NCKAP1: variants seen among roughly 807,000 people sequenced by gnomAD.
NCKAP1 encodes the protein nck-associated protein 1.
In NCKAP1, 21 loss-of-function variants were observed where a neutral mutation model predicts 151.2. The ratio of observed to expected loss-of-function variants is 0.14; its 90% confidence interval spans 0.10 to 0.20. The LOEUF is 0.20. NCKAP1 is among the 10% of genes least tolerant of loss of function. The pLI is 1.00. For synonymous variants in NCKAP1, 484 were observed against 451.8 expected (o/e 1.07, Z -0.90); for missense variants, 933 against 1,352.1 (o/e 0.69, Z 4.86).
chr2:183,015,179 T>TA (rs1029556490), intron 2 of NCKAP1, among the ~76,000 whole-genome samples: 3 of 152,118 alleles, frequency 2.0e-5, no homozygotes, highest in Non-Finnish European at 4.4e-5. Context: ...CACAAAATAA[T>TA]ATTCTGAAAC....
At chr2:182,951,665 A>C (rs1697221071) in intron 23 of NCKAP1, among the ~76,000 whole-genome samples, 1 of 151,448 alleles carries the variant, frequency 6.6e-6, no homozygotes, top group Non-Finnish European at 1.5e-5. Context: ...AACAAACAAA[A>C]ACTAAAATAT....
intron 12 of NCKAP1, among the ~76,000 whole-genome samples, chr2:182,981,956 A>G (rs1397093041): frequency 6.6e-6 from 1 of 151,370 alleles, no homozygotes; most frequent in African/African-American, 2.4e-5. Context: ...TAAACAGGAC[A>G]TGTTATAAAT....
intron 13 of NCKAP1, among the ~76,000 whole-genome samples, chr2:182,980,623 A>G (rs996677004): frequency 4.6e-5 from 7 of 152,148 alleles, no homozygotes; most frequent in Admixed American, 4.6e-4. Flanking sequence ...AAAGGCTAAA[A>G]ACCAATTAAG....
intron 18 of NCKAP1, among the ~76,000 whole-genome samples, chr2:182,958,542 G>T (rs543937459): frequency 1.2e-4 from 18 of 152,092 alleles, no homozygotes; most frequent in Non-Finnish European, 2.4e-4. Flanking sequence ...TTCAGACAAG[G>T]CATGAAAAAG....
At chr2:183,023,697 T>A in intron 2 of NCKAP1, 109 bp downstream of exon 2, 1 of 843,870 alleles carries the variant, frequency 1.2e-6, no homozygotes, top group Admixed American at 2.4e-5. Flanking sequence ...AATCTGTATA[T>A]CAAAATGTTA....
chr2:182,992,885 A>G (rs895378680), intron 8 of NCKAP1, among the ~76,000 whole-genome samples: 1 of 152,174 alleles, frequency 6.6e-6, no homozygotes, highest in African/African-American at 2.4e-5. Flanking sequence ...CTAGTAATAA[A>G]AACTATGAGC....
At position 182,917,457 on chromosome 2, in the gene NCKAP1, T is replaced by C. The variant is rs1696486216; in HGVS notation, c.*8245A>G. On this transcript the variant is annotated 3_prime_UTR_variant, in exon 31 of 31. Transcript: ENST00000361354. The stretch of plus-strand genomic sequence containing the variant: ...TAAATTACCTAACTCTTGAATAGGT[T>C]GAACCAGATAATCTCTAAGGCTCTT... 3 of 152,242 alleles carry C rather than the reference T, an allele frequency of 2.0e-5. No individual in the cohort carries two copies. The highest frequency in any genetic ancestry group is 7.2e-5 in the African/African-American group (3 of 41,458). 9.4% of individuals were successfully genotyped at this position (152,242 alleles called of 1,614,324 possible). A position where few individuals can be genotyped will look rare whatever the true frequency, so the allele number is the denominator to read the frequency against.
At position 182,930,995 on chromosome 2, in the gene NCKAP1, G is replaced by A. The variant is rs557035510; in HGVS notation, c.2860-207C>T. On this transcript the variant is annotated intron_variant, in intron 26 of 30. Transcript: ENST00000361354. ...GTGCTGCTGGTTCTAACTTCCTACTGCTAGGCCAAACAAAACTTGTATACT... is the reference window on the plus strand; with the variant it reads ...GTGCTGCTGGTTCTAACTTCCTACTACTAGGCCAAACAAAACTTGTATACT... Among the ~76,000 whole-genome samples, 3 of 152,188 alleles carry A rather than the reference G, an allele frequency of 2.0e-5. No individual in the cohort carries two copies. The South Asian group carries it at 6.2e-4, about 32-fold the overall frequency.
intron 27 of NCKAP1, among the ~76,000 whole-genome samples, chr2:182,930,487 T>A (rs1696740277): frequency 6.6e-6 from 1 of 152,040 alleles, no homozygotes; most frequent in South Asian, 2.1e-4. Flanking sequence ...ACTAAATGGC[T>A]CAGTAATCTC....
Position 182,981,234 on chromosome 2 carries a change from T to C in NCKAP1, c.1341+10A>G, listed in dbSNP as rs376689273. ...GGAACAAAAGGGAAATAGTATGAGA[T>C]AGTTTTTACCTGCACGAGTTCATTG... is the stretch of plus-strand genomic sequence containing the variant. On this transcript the variant is annotated intron_variant, in intron 13 of 30. Coordinates refer to ENST00000361354, the MANE Select transcript of NCKAP1 (RefSeq NM_013436.5). 3 of 1,611,042 alleles carry C rather than the reference T, an allele frequency of 1.9e-6. No homozygotes were observed. The highest frequency in any genetic ancestry group is 2.5e-6 in the Non-Finnish European group (3 of 1,178,736).
intron 23 of NCKAP1, among the ~76,000 whole-genome samples, chr2:182,951,448 C>A (rs1575025433): frequency 6.6e-6 from 1 of 151,362 alleles, no homozygotes; most frequent in East Asian, 2.0e-4. Flanking sequence ...GTGGGTGGAT[C>A]TCTTGAGGTC....
chr2:182,986,116 T>C (rs906838189), intron 10 of NCKAP1, 55 bp downstream of exon 10: 37 of 1,509,110 alleles, frequency 2.5e-5, no homozygotes, highest in Non-Finnish European at 3.3e-5. Flanking sequence ...AACAAAATGA[T>C]GCTTTAAGAA....
In NCKAP1 at chr2:183,033,517, C is replaced by T. The variant is rs139538184; in HGVS notation, c.108+4475G>A. On this transcript the variant is annotated intron_variant, in intron 1 of 30. Transcript: ENST00000361354. Reference sequence around the variant, plus strand: ...CTATACATCTCTCTCCCCACTAAGACACTAATTTCTTGGCACTAGAGACTT... The same window carrying T: ...CTATACATCTCTCTCCCCACTAAGATACTAATTTCTTGGCACTAGAGACTT... Among the ~76,000 whole-genome samples the T allele has an allele frequency of 2.0e-4, 30 of 152,330 alleles. 1 individual carries two copies. The East Asian group carries it at 5.6e-3, about 28-fold the overall frequency.
chr2:182,985,794 C>T lies in NCKAP1; in HGVS notation c.1004+377G>A, dbSNP rs367603197. On this transcript the variant is annotated intron_variant, in intron 10 of 30. Coordinates refer to ENST00000361354, the MANE Select transcript of NCKAP1 (RefSeq NM_013436.5). ...CTCCAGCCTGGGTGACAGAGTGAGA[C>T]TGTCTCAAAAAAAAAAAAAAAAAAG... Among the ~76,000 whole-genome samples the T allele has an allele frequency of 2.2e-5, 3 of 136,812 alleles. No homozygotes were observed. In the South Asian group the frequency reaches 6.8e-4, roughly 31 times the overall value. The allele number at this position is 136,812 out of a possible 152,430, so 89.8% of individuals were successfully genotyped here. A position where few individuals can be genotyped will look rare whatever the true frequency, so the allele number is the denominator to read the frequency against.
In NCKAP1 at chr2:182,925,648, C is replaced by T. The variant is rs1160322258; in HGVS notation, c.*54G>A. The T allele has an allele frequency of 3.0e-6, 3 of 993,982 alleles. No individual in the cohort carries two copies. The Admixed American group carries it at 7.6e-5, about 25-fold the overall frequency. The allele number at this position is 993,982 out of a possible 1,614,324, so 61.6% of individuals were successfully genotyped here. A position where few individuals can be genotyped will look rare whatever the true frequency, so the allele number is the denominator to read the frequency against. On this transcript the variant is annotated 3_prime_UTR_variant, in exon 31 of 31. Coordinates refer to ENST00000361354, the MANE Select transcript of NCKAP1 (RefSeq NM_013436.5). ...TAAGGTAAAATAGTTCCACAGTCTA[C>T]AGGTAAAACCAAGGCAACAAAAATG...
At chr2:182,942,528 T>A (rs1431434366) in intron 23 of NCKAP1, among the ~76,000 whole-genome samples, 1 of 151,914 alleles carries the variant, frequency 6.6e-6, no homozygotes. Flanking sequence ...CTAGCTAAAG[T>A]TAAACCTGGC....
In NCKAP1 at chr2:182,914,249, A is replaced by T. The variant is rs1188220928; in HGVS notation, c.*11453T>A. 4 of 152,218 alleles carry T rather than the reference A, an allele frequency of 2.6e-5. No individual in the cohort carries two copies. The highest frequency in any genetic ancestry group is 7.2e-5 in the African/African-American group (3 of 41,448). The allele number at this position is 152,218 out of a possible 1,614,324, so 9.4% of individuals were successfully genotyped here. The stretch of plus-strand genomic sequence containing the variant: ...GTATCTAGCACATAGTAGGTATTTT[A>T]AAAACTATATTCATTGAACTGATGT... On this transcript the variant is annotated 3_prime_UTR_variant, in exon 31 of 31. Transcript: ENST00000361354.
intron 24 of NCKAP1, among the ~76,000 whole-genome samples, chr2:182,940,512 C>T (rs1439375107): frequency 2.0e-5 from 3 of 151,964 alleles, no homozygotes; most frequent in Admixed American, 6.6e-5. Context: ...CTATCTCAGC[C>T]GACTGCAACC....
intron 23 of NCKAP1, among the ~76,000 whole-genome samples, chr2:182,944,709 A>T (rs1697064783): frequency 1.3e-5 from 2 of 152,250 alleles, no homozygotes; most frequent in Non-Finnish European, 2.9e-5. Context: ...ACAGGAACTA[A>T]AATAATTAAG....
Sources: allele counts gnomAD v4.1 joint callset (sites outside exome capture counted in the v4.1 genomes callset), GRCh38; gene constraint gnomAD v4.1.1; transcripts MANE v1.5; gene names NCBI Gene and HGNC (gene_info 2026-07-23, HGNC 2026-07-21).